ADAM20: variants seen among roughly 807,000 people sequenced by gnomAD.
The protein encoded by ADAM20 is ADAM metallopeptidase domain 20, also known as disintegrin and metalloproteinase domain-containing protein 20.
For missense variants in ADAM20, 871 were observed against 883.2 expected, an observed-to-expected ratio of 0.99 and a Z score of 0.18; for synonymous variants, 305 against 310.2, an observed-to-expected ratio of 0.98 and a Z score of 0.18.
upstream of ADAM20, among the ~76,000 whole-genome samples, chr14:70,536,919 G>C (rs1883850097): frequency 7.1e-6 from 1 of 141,550 alleles, no homozygotes; most frequent in Non-Finnish European, 1.5e-5. Context: ...AAAACTCTTA[G>C]TCCATAGGAG....
At position 70,523,002 on chromosome 14, in the gene ADAM20, G is replaced by A. The variant is rs1340990723; in HGVS notation, c.1756C>T (p.Leu586Phe). 5 of 1,613,978 alleles carry A rather than the reference G, an allele frequency of 3.1e-6. No homozygotes were observed. The South Asian group carries it at 3.3e-5, about 11-fold the overall frequency. The change falls in exon 2 of 2, where the codon CTC becomes TTC. Residue 586 changes from leucine to phenylalanine, a missense_variant. Physicochemically the swap from Leu to Phe is conservative, Grantham distance 22. Coordinates refer to ENST00000256389, the MANE Select transcript of ADAM20 (RefSeq NM_003814.5). ...IEHSTVQQFH[L>F]NDTTCWGTDY... is the part of the protein sequence containing the mutation. ...GTGCCCCAGCAAGTGGTGTCATTGA[G>A]GTGAAACTGCTGCACTGTAGAATGC...
the ADAM20 span, among the ~76,000 whole-genome samples, chr14:70,547,086 G>T: frequency 6.6e-6 from 1 of 152,106 alleles, no homozygotes; most frequent in Non-Finnish European, 1.5e-5. Context: ...CCAATAAATT[G>T]GAAAATCTAG....
the ADAM20 span, among the ~76,000 whole-genome samples, chr14:70,546,808 A>C: frequency 6.6e-6 from 1 of 152,214 alleles, no homozygotes; most frequent in Non-Finnish European, 1.5e-5. Context: ...AACAAAGATC[A>C]GAGCAAAGAT....
At chr14:70,541,338 T>C in the ADAM20 span, among the ~76,000 whole-genome samples, 1 of 152,348 alleles carries the variant, frequency 6.6e-6, no homozygotes, top group Admixed American at 6.5e-5. Flanking sequence ...AGGTAAGACC[T>C]AGGACACATT....
At chr14:70,538,572 C>T (rs1379421555), upstream of ADAM20, among the ~76,000 whole-genome samples, 3 of 152,160 alleles carry the variant, frequency 2.0e-5, no homozygotes, top group Non-Finnish European at 4.4e-5. Flanking sequence ...CTTTTGTCCA[C>T]TTTGTCTTCC....
At chr14:70,570,192 T>C in the ADAM20 span, among the ~76,000 whole-genome samples, 84 of 152,126 alleles carry the variant, frequency 5.5e-4, no homozygotes, top group African/African-American at 1.6e-3. Flanking sequence ...CGTGAAAAGA[T>C]AGATCTCAAA....
Position 70,524,662 on chromosome 14 carries a change from C to T in ADAM20, c.96G>A (p.Arg32=). 1 of 1,614,022 alleles carries T rather than the reference C, an allele frequency of 6.2e-7. No homozygotes were observed. The highest frequency in any genetic ancestry group is 8.5e-7 in the Non-Finnish European group (1 of 1,179,938). The change falls in exon 2 of 2, where the codon AGG becomes AGA. Residue 32 remains arginine, a synonymous_variant. Transcript: ENST00000256389. ...CTGGAGAAGTGAAATACTGGGAGGG[C>T]CTGGCCTGAGAGTGGCCAGAAATAG... The part of the protein sequence containing the change: ...FLSISGHSQA[R]PSQYFTSPEV...
the ADAM20 span, among the ~76,000 whole-genome samples, chr14:70,568,777 TC>T: frequency 6.6e-6 from 1 of 152,048 alleles, no homozygotes; most frequent in South Asian, 2.1e-4. Flanking sequence ...AGAAAGAATT[TC>T]AGAACTTGAA....
At chr14:70,539,916 C>A (rs1295417065), upstream of ADAM20, among the ~76,000 whole-genome samples, 3 of 152,162 alleles carry the variant, frequency 2.0e-5, no homozygotes, top group Non-Finnish European at 4.4e-5. Context: ...AGGCGGTGAC[C>A]CCCCTGGACC....
At chr14:70,570,538 C>T in the ADAM20 span, among the ~76,000 whole-genome samples, 6 of 152,220 alleles carry the variant, frequency 3.9e-5, no homozygotes, top group Non-Finnish European at 8.8e-5. Context: ...TGGATATATT[C>T]CTGGAAAAAC....
the ADAM20 span, among the ~76,000 whole-genome samples, chr14:70,578,543 G>T: frequency 6.6e-6 from 1 of 152,088 alleles, no homozygotes; most frequent in Non-Finnish European, 1.5e-5. Context: ...ACAATCAACA[G>T]AATAAGCAGA....
the ADAM20 span, among the ~76,000 whole-genome samples, chr14:70,553,000 TC>T: frequency 1.1e-4 from 5 of 44,596 alleles, no homozygotes; most frequent in African/African-American, 3.9e-4. Context: ...TGAGTTCATA[TC>T]CTTTGTAGGG....
the ADAM20 span, among the ~76,000 whole-genome samples, chr14:70,541,395 T>C: frequency 6.6e-6 from 1 of 152,164 alleles, no homozygotes; most frequent in African/African-American, 2.4e-5. Context: ...TTGAATAAAA[T>C]AAAAATGAAG....
chr14:70,563,202 A>C, the ADAM20 span, among the ~76,000 whole-genome samples: 24,922 of 152,068 alleles, frequency 0.16, 2,956 homozygotes, highest in East Asian at 0.49. Flanking sequence ...CCCTTCCCTG[A>C]AGCCAGAAGG....
At chr14:70,529,849 T>G (rs1036507156) in intron 1 of ADAM20, among the ~76,000 whole-genome samples, 1 of 152,226 alleles carries the variant, frequency 6.6e-6, no homozygotes, top group African/African-American at 2.4e-5. Flanking sequence ...ACATTTATTT[T>G]TAAAAATTTC....
rs113965969 is a variant in ADAM20 at position 70,522,798 on chromosome 14, A to C, written c.1960T>G (p.Cys654Gly). The C allele has an allele frequency of 6.2e-7, 1 of 1,614,042 alleles. No homozygotes were observed. Among genetic ancestry groups the C allele is most frequent in the Non-Finnish European group, 8.5e-7 (1 of 1,179,934 alleles). ...TATGGGGGTGCCCATTCATGGTTGC[A>C]GTGACAGTGTTGTTTGTTGTTGCAG... ...GICNNKQHCH[C>G]NHEWAPPYCK... Residue 654 changes from cysteine (C) to glycine (G), a missense_variant, in exon 2 of 2, where the codon TGC becomes GGC. Physicochemically the swap from Cys to Gly is radical, Grantham distance 159. Transcript: ENST00000256389.
chr14:70,528,052 T>C (rs1883627835), intron 1 of ADAM20, among the ~76,000 whole-genome samples: 1 of 152,256 alleles, frequency 6.6e-6, no homozygotes. Context: ...TTTATGTATA[T>C]GGTCTGCTTT....
chr14:70,539,949 G>T (rs1490392521), upstream of ADAM20, among the ~76,000 whole-genome samples: 2 of 152,182 alleles, frequency 1.3e-5, no homozygotes, highest in Non-Finnish European at 2.9e-5. Flanking sequence ...TCTTGTGTGT[G>T]TCTATTATTT....
the ADAM20 span, chr14:70,557,305 T>C: frequency 6.6e-6 from 1 of 152,248 alleles, no homozygotes; most frequent in Non-Finnish European, 1.5e-5. Context: ...TTATTCTATA[T>C]ATGACTGCAA....
Sources: gnomAD v4.1 joint callset for allele counts (sites outside exome capture counted in the v4.1 genomes callset) on GRCh38, gnomAD v4.1.1 for gene constraint, MANE v1.5 for transcripts, NCBI Gene and HGNC (gene_info 2026-07-23, HGNC 2026-07-21) for gene names.